Variants in COL23A1 observed in about 807,000 individuals in gnomAD.
COL23A1 encodes the protein collagen alpha-1(XXIII) chain.
Under a neutral mutation model 99.3 loss-of-function variants are expected in COL23A1, and 97 were observed. That is an observed-to-expected ratio of 0.98 (90% CI 0.83 to 1.16). The LOEUF (loss-of-function observed/expected upper bound fraction) is 1.16. Ranked by LOEUF, COL23A1 falls within the 50% of genes most tolerant of loss-of-function variation. COL23A1 has a pLI of 0.00. For synonymous variants in COL23A1, 320 were observed against 308.2 expected (o/e 1.04, Z -0.40); for missense variants, 762 against 757.4 (o/e 1.01, Z -0.07).
At chr5:178,322,000 T>G (rs1468498810) in intron 2 of COL23A1, among the ~76,000 whole-genome samples, 1 of 151,190 alleles carries the variant, frequency 6.6e-6, no homozygotes, top group Non-Finnish European at 1.5e-5. Context: ...TTTTAACTTT[T>G]TTTTTTTTTT....
chr5:178,277,220 G>T (rs931326495), intron 5 of COL23A1, among the ~76,000 whole-genome samples: 2 of 143,634 alleles, frequency 1.4e-5, no homozygotes, highest in East Asian at 2.0e-4. Context: ...AAAAAAAAAG[G>T]TTGGGTGTGG....
chr5:178,359,079 T>A (rs1762037044), intron 2 of COL23A1, among the ~76,000 whole-genome samples: 1 of 152,172 alleles, frequency 6.6e-6, no homozygotes, highest in Non-Finnish European at 1.5e-5. Context: ...GGATGGCAGC[T>A]CTCCAGGCTG....
At chr5:178,285,475 T>C (rs1319254642) in intron 5 of COL23A1, among the ~76,000 whole-genome samples, 1 of 152,238 alleles carries the variant, frequency 6.6e-6, no homozygotes, top group Admixed American at 6.5e-5. Context: ...TCTTTCCAAA[T>C]ATTGCAAATT....
rs528707438 is a variant in COL23A1, at chr5:178,369,501, G to C, written c.362-62582C>G. ...CAATAATAAAGTTAGTCCATTATAT[G>C]GTTTGGCTGTATCCCCACCCAAATC... On this transcript the variant is annotated intron_variant, in intron 2 of 28. Transcript: ENST00000390654. 8.5e-5 allele frequency among the ~76,000 whole-genome samples: 13 copies of C among 152,296 alleles called. No homozygotes were observed. The South Asian group carries it at 2.7e-3, about 32-fold the overall frequency.
At chr5:178,582,685 C>A (rs1367910984) in intron 1 of COL23A1, among the ~76,000 whole-genome samples, 1 of 152,176 alleles carries the variant, frequency 6.6e-6, no homozygotes, top group Non-Finnish European at 1.5e-5. Context: ...CTCTTCCAGA[C>A]TCCGCCCTCC....
chr5:178,371,416 C>T lies in COL23A1; in HGVS notation c.362-64497G>A, dbSNP rs193202084. On this transcript the variant is annotated intron_variant, in intron 2 of 28. Coordinates refer to ENST00000390654, the MANE Select transcript of COL23A1 (RefSeq NM_173465.4). The stretch of plus-strand genomic sequence containing the variant: ...CAGGGAGGACGACTGGAGGAGGGGC[C>T]GGCTGCAGCTCTGGGGTCGGATGGG... Among the ~76,000 whole-genome samples the T allele has an allele frequency of 1.1e-4, 17 of 152,288 alleles. No homozygotes were observed. In the East Asian group the frequency reaches 3.1e-3, roughly 28 times the overall value.
intron 2 of COL23A1, among the ~76,000 whole-genome samples, chr5:178,541,227 G>A (rs1013225987): frequency 1.3e-5 from 2 of 152,190 alleles, no homozygotes; most frequent in South Asian, 2.1e-4. Flanking sequence ...GAAAATCCAA[G>A]TGTTGGGGAG....
At chr5:178,250,600 T>A (rs1209399243) in intron 17 of COL23A1, among the ~76,000 whole-genome samples, 1 of 152,224 alleles carries the variant, frequency 6.6e-6, no homozygotes, top group Admixed American at 6.5e-5. Flanking sequence ...TACATTTAAT[T>A]TGTGTGCATA....
chr5:178,523,436 A>T (rs1227626920), intron 2 of COL23A1: 1 of 148,132 alleles, frequency 6.8e-6, no homozygotes, highest in East Asian at 1.9e-4. Context: ...TCAAAAAAAA[A>T]AAAAAAAAAA....
At position 178,415,210 on chromosome 5, in the gene COL23A1, C is replaced by A. The variant is rs1341587715; in HGVS notation, c.362-108291G>T. ...AAGGATCCTGGCATCTTGCTTGGTGCAATGACACACTCTTTTCTCCAGTGG... is the reference window on the plus strand; with the variant it reads ...AAGGATCCTGGCATCTTGCTTGGTGAAATGACACACTCTTTTCTCCAGTGG... On this transcript the variant is annotated intron_variant, in intron 2 of 28. Coordinates refer to ENST00000390654, the MANE Select transcript of COL23A1 (RefSeq NM_173465.4). The surrounding 1 kb of genome is among the most constrained non-coding windows in gnomAD (Gnocchi z 4.6). Among the ~76,000 whole-genome samples, 1 of 152,146 alleles carries A rather than the reference C, an allele frequency of 6.6e-6. No homozygotes were observed. The highest frequency in any genetic ancestry group is 2.4e-5 in the African/African-American group (1 of 41,422).
Position 178,590,325 on chromosome 5 carries a change from G to A in COL23A1, c.-128C>T. 1.2e-6 allele frequency: 1 copy of A among 835,886 alleles called. No homozygotes were observed. Among genetic ancestry groups the A allele is most frequent in the Non-Finnish European group, 1.5e-6 (1 of 649,282 alleles). The allele number at this position is 835,886 out of a possible 1,614,324, so 51.8% of individuals were successfully genotyped here. On this transcript the variant is annotated 5_prime_UTR_variant, in exon 1 of 29. Coordinates refer to ENST00000390654, the MANE Select transcript of COL23A1 (RefSeq NM_173465.4). The surrounding 1 kb of genome is among the most constrained non-coding windows in gnomAD (Gnocchi z 5.7). ...GGGCGCGGGGGTTAGCCTCCGGGTA[G>A]CAGCGGATCGCCGCGCACGCCCCCT... is the stretch of plus-strand genomic sequence containing the variant.
At chr5:178,557,486 C>T (rs1339581764) in intron 2 of COL23A1, among the ~76,000 whole-genome samples, 1 of 152,176 alleles carries the variant, frequency 6.6e-6, no homozygotes, top group Non-Finnish European at 1.5e-5. Context: ...CAGCGATATC[C>T]ACTGGCTGGG....
Position 178,415,256 on chromosome 5 carries a change from C to G in COL23A1, c.362-108337G>C, listed in dbSNP as rs1046616016. 1.3e-5 allele frequency among the ~76,000 whole-genome samples: 2 copies of G among 152,190 alleles called. No individual in the cohort carries two copies. Among genetic ancestry groups the G allele is most frequent in the Non-Finnish European group, 2.9e-5 (2 of 68,036 alleles). ...AGTGGGGTCCACATGGTGCCAGTTA[C>G]AGTGCTCAGTGGGGACGAGCCCGCC... On this transcript the variant is annotated intron_variant, in intron 2 of 28. Coordinates refer to ENST00000390654, the MANE Select transcript of COL23A1 (RefSeq NM_173465.4). The surrounding 1 kb of genome is among the most constrained non-coding windows in gnomAD (Gnocchi z 4.6).
At chr5:178,554,185 T>C (rs866371087) in intron 2 of COL23A1, among the ~76,000 whole-genome samples, 1 of 151,908 alleles carries the variant, frequency 6.6e-6, no homozygotes, top group Non-Finnish European at 1.5e-5. Context: ...TTTCTTCTTT[T>C]TTTTTTTCTT....
At chr5:178,277,906 G>T (rs891215088) in intron 5 of COL23A1, among the ~76,000 whole-genome samples, 1 of 152,206 alleles carries the variant, frequency 6.6e-6, no homozygotes, top group Non-Finnish European at 1.5e-5. Context: ...TGACCCCCGT[G>T]GGGTGAGGGA....
At chr5:178,347,890 A>C (rs1436556967) in intron 2 of COL23A1, among the ~76,000 whole-genome samples, 8 of 146,462 alleles carry the variant, frequency 5.5e-5, no homozygotes, top group South Asian at 2.1e-4. Flanking sequence ...AAAAAAAAAA[A>C]AAAAAAACCC....
At chr5:178,405,650 GA>G (rs1296692417) in intron 2 of COL23A1, among the ~76,000 whole-genome samples, 2 of 152,144 alleles carry the variant, frequency 1.3e-5, no homozygotes, top group Non-Finnish European at 2.9e-5. Flanking sequence ...CACCACTACT[GA>G]ACAGTTCTCC....
At chr5:178,358,771 G>GTA (rs1258419056) in intron 2 of COL23A1, among the ~76,000 whole-genome samples, 2 of 120,436 alleles carry the variant, frequency 1.7e-5, no homozygotes, top group East Asian at 2.3e-4. Flanking sequence ...GTGTATGTGT[G>GTA]TGTATGTGTA....
rs1765384863 is a variant in COL23A1, at chr5:178,257,691, C to T, written c.730-124G>A. The T allele has an allele frequency of 3.1e-6, 3 of 954,052 alleles. No homozygotes were observed. In the African/African-American group the frequency reaches 4.9e-5, roughly 15 times the overall value. 59.1% of individuals were successfully genotyped at this position (954,052 alleles called of 1,614,324 possible). On this transcript the variant is annotated intron_variant, in intron 12 of 28. Coordinates refer to ENST00000390654, the MANE Select transcript of COL23A1 (RefSeq NM_173465.4). ...ATCTGCACTGGCACATGGTACCAGG[C>T]AGCTCCTCCCCACCCTCCTTGCCCC... is the stretch of plus-strand genomic sequence containing the variant.
Sources: allele counts gnomAD v4.1 joint callset (sites outside exome capture counted in the v4.1 genomes callset), GRCh38; gene constraint gnomAD v4.1.1; non-coding constraint Gnocchi (gnomAD v3.1); transcripts MANE v1.5; gene names NCBI Gene and HGNC (gene_info 2026-07-23, HGNC 2026-07-21).